The following CCND2 variants were observed in gnomAD, a reference collection of about 807,000 sequenced individuals.
CCND2 encodes the protein cyclin D2, also known as G1/S-specific cyclin-D2.
A neutral mutation model predicts 30.2 loss-of-function variants in CCND2; 6 were observed. The observed-to-expected ratio is 0.20, with a 90% CI of 0.11 to 0.39. CCND2 has a LOEUF of 0.39. Ranked by LOEUF, CCND2 falls within the 10% of genes least tolerant of loss-of-function variation. CCND2 has a pLI of 1.00. For missense variants in CCND2, 235 were observed against 373.4 expected (o/e 0.63, Z 3.06); for synonymous variants, 150 against 153.1 (o/e 0.98, Z 0.15).
intron 4 of CCND2, among the ~76,000 whole-genome samples, chr12:4,298,223 C>T (rs1017458085): frequency 2.0e-5 from 3 of 152,094 alleles, no homozygotes; most frequent in Non-Finnish European, 4.4e-5. Context: ...CAGATACCAC[C>T]CTTCCTCATT....
At position 4,297,570 on chromosome 12, in the gene CCND2, CAA is replaced by C. The variant is rs71061177; in HGVS notation, c.721-2264_721-2263del. On this transcript the variant is annotated intron_variant, in intron 4 of 4. Transcript: ENST00000261254. ...TGGGCGACAGAGCAACACTCTGTCT[CAA>C]AAAAAAAAAAAAAAAAAAAAAAAAA... Among the ~76,000 whole-genome samples the C allele has an allele frequency of 7.6e-3, 568 of 74,712 alleles. 4 individuals are homozygous for C. Among genetic ancestry groups the C allele is most frequent in the African/African-American group, 0.016 (262 of 16,212 alleles). The allele number at this position is 74,712 out of a possible 152,430, so 49.0% of individuals were successfully genotyped here.
In CCND2 at chr12:4,282,338, C is replaced by T. The variant is rs1467824021; in HGVS notation, c.571+3419C>T. Among the ~76,000 whole-genome samples, 2 of 152,280 alleles carry T rather than the reference C, an allele frequency of 1.3e-5. No individual in the cohort carries two copies. The highest frequency in any genetic ancestry group is 3.9e-4 in the East Asian group (2 of 5,172). On this transcript the variant is annotated intron_variant, in intron 3 of 4. Coordinates refer to ENST00000261254, the MANE Select transcript of CCND2 (RefSeq NM_001759.4). The surrounding 1 kb of genome is among the most constrained non-coding windows in gnomAD (Gnocchi z 4.3). ...GTATTTGTGCCACACACGGTAGCCA[C>T]CCCCAGGCCTCCCCACGCCAAGGCC...
In CCND2 at chr12:4,285,811, A is replaced by G. The variant is rs1010233107; in HGVS notation, c.572-3031A>G. On this transcript the variant is annotated intron_variant, in intron 3 of 4. Coordinates refer to ENST00000261254, the MANE Select transcript of CCND2 (RefSeq NM_001759.4). This position sits in a 1 kb window ranked among gnomAD's most constrained non-coding sequence, Gnocchi z 4.1. ...GATTTTTTTGTTTTTCTCTCTGTTC[A>G]GTATCCCCTACCAGTAGAGAGGGGG... is the stretch of plus-strand genomic sequence containing the variant. 1.3e-5 allele frequency among the ~76,000 whole-genome samples: 2 copies of G among 152,208 alleles called. No individual in the cohort carries two copies. The highest frequency in any genetic ancestry group is 2.4e-5 in the African/African-American group (1 of 41,458).
Position 4,300,275 on chromosome 12 carries a change from T to C in CCND2, c.*266T>C. ...TTATTGTTTGATTATGTAAAAGTAA[T>C]AGTAAAATGCTTACAGGAAAACCTG... On this transcript the variant is annotated 3_prime_UTR_variant, in exon 5 of 5. Transcript: ENST00000261254. 1 of 372,548 alleles carries C rather than the reference T, an allele frequency of 2.7e-6. No individual in the cohort carries two copies. The highest frequency in any genetic ancestry group is 2.0e-5 in the African/African-American group (1 of 49,766). The allele number at this position is 372,548 out of a possible 1,614,324, so 23.1% of individuals were successfully genotyped here. A position where few individuals can be genotyped will look rare whatever the true frequency, so the allele number is the denominator to read the frequency against.
chr12:4,288,237 C>CTT (rs56794387), intron 3 of CCND2, among the ~76,000 whole-genome samples: 1 of 136,154 alleles, frequency 7.3e-6, no homozygotes, highest in Non-Finnish European at 1.6e-5. Flanking sequence ...TAGATCAAAC[C>CTT]TTTTTTTTTT....
At position 4,296,705 on chromosome 12, in the gene CCND2, GAAA is replaced by G. The variant is rs58907719; in HGVS notation, c.721-3142_721-3140del. On this transcript the variant is annotated intron_variant, in intron 4 of 4. Transcript: ENST00000261254. ...CGATTTAGTCCCTCTGCCTCTTGGG[GAAA>G]AAAAAAAAAAAATTGTAAACATCCC... Among the ~76,000 whole-genome samples, 984 of 125,526 alleles carry G rather than the reference GAAA, an allele frequency of 7.8e-3. 7 individuals are homozygous for G. Among genetic ancestry groups the G allele is most frequent in the African/African-American group, 0.027 (926 of 34,698 alleles). The allele number at this position is 125,526 out of a possible 152,430, so 82.3% of individuals were successfully genotyped here.
In CCND2 at chr12:4,275,986, T is replaced by G. The variant is rs765683372; in HGVS notation, c.196-19T>G. On this transcript the variant is annotated intron_variant, in intron 1 of 4. Coordinates refer to ENST00000261254, the MANE Select transcript of CCND2 (RefSeq NM_001759.4). ...GCTCTCCACCCCCGCCCCCCAACCC[T>G]TTCCCACTCCCATTATAGGTCTGTG... 6.6e-5 allele frequency: 43 copies of G among 649,312 alleles called. No homozygotes were observed. The highest frequency in any genetic ancestry group is 9.8e-5 in the East Asian group (2 of 20,430). 40.2% of individuals were successfully genotyped at this position (649,312 alleles called of 1,614,324 possible).
At position 4,291,558 on chromosome 12, in the gene CCND2, G is replaced by C. The variant is rs142198009; in HGVS notation, c.720+2568G>C. Among the ~76,000 whole-genome samples the C allele has an allele frequency of 2.9e-3, 438 of 152,150 alleles. 1 individual carries two copies. Among genetic ancestry groups the C allele is most frequent in the African/African-American group, 1.0e-2 (415 of 41,502 alleles). On this transcript the variant is annotated intron_variant, in intron 4 of 4. Transcript: ENST00000261254. The stretch of plus-strand genomic sequence containing the variant: ...TTGTATGATGAAGCAAGAGTAAAGC[G>C]TGCAAAACCCTAGCAAATTAAGAAC...
intron 4 of CCND2, among the ~76,000 whole-genome samples, chr12:4,290,255 G>T (rs1218062892): frequency 6.6e-6 from 1 of 152,192 alleles, no homozygotes. Context: ...GCAGGGAGAT[G>T]CTGACGGAGC....
chr12:4,287,300 TG>T lies in CCND2; in HGVS notation c.572-1538del, dbSNP rs963315402. The stretch of plus-strand genomic sequence containing the variant: ...TCTAACAATGCTGCTAACTTGATGC[TG>T]GGGCAATGGGCTGACCATTAAAAGA... On this transcript the variant is annotated intron_variant, in intron 3 of 4. Transcript: ENST00000261254. This position sits in a 1 kb window ranked among gnomAD's most constrained non-coding sequence, Gnocchi z 4.0. Among the ~76,000 whole-genome samples the T allele has an allele frequency of 1.3e-4, 20 of 152,168 alleles. No individual in the cohort carries two copies. The highest frequency in any genetic ancestry group is 4.6e-4 in the African/African-American group (19 of 41,430).
At chr12:4,290,755 C>T (rs1004484365) in intron 4 of CCND2, among the ~76,000 whole-genome samples, 1 of 152,212 alleles carries the variant, frequency 6.6e-6, no homozygotes, top group Admixed American at 6.5e-5. Flanking sequence ...GCTGCTGAGT[C>T]TCTTGGCTTT....
At chr12:4,278,942 G>A in intron 3 of CCND2, 23 bp downstream of exon 3, 5 of 1,593,988 alleles carry the variant, frequency 3.1e-6, no homozygotes, top group Admixed American at 1.7e-5. Flanking sequence ...TTGAGCCGGG[G>A]AGGGAGATGG....
At chr12:4,277,866 C>CA (rs1435169241) in intron 2 of CCND2, among the ~76,000 whole-genome samples, 1 of 152,248 alleles carries the variant, frequency 6.6e-6, no homozygotes, top group Non-Finnish European at 1.5e-5. Flanking sequence ...TCTGGTAGCA[C>CA]ATACGATATT....
intron 4 of CCND2, among the ~76,000 whole-genome samples, chr12:4,296,509 T>C (rs3217904): frequency 0.97 from 147,586 of 152,386 alleles, 71,633 homozygotes; most frequent in East Asian, 1. Context: ...CCACGCCTCG[T>C]GTGCACACGC....
rs750056018 is a variant in CCND2, at chr12:4,302,807, G to C, written c.*2798G>C. The C allele has an allele frequency of 4.7e-5, 11 of 233,230 alleles. No homozygotes were observed. Among genetic ancestry groups the C allele is most frequent in the Non-Finnish European group, 5.9e-5 (7 of 118,080 alleles). 14.4% of individuals were successfully genotyped at this position (233,230 alleles called of 1,614,324 possible). On this transcript the variant is annotated 3_prime_UTR_variant, in exon 5 of 5. Coordinates refer to ENST00000261254, the MANE Select transcript of CCND2 (RefSeq NM_001759.4). ...GGGAAGTGTGTTTAGAAGGGTTCAG[G>C]ACTTTGTGAGTTAGCATGACCCTAA...
rs1483407613 is a variant in CCND2, at chr12:4,303,162, A to C, written c.*3153A>C. 4.3e-6 allele frequency: 1 copy of C among 232,908 alleles called. No individual in the cohort carries two copies. The highest frequency in any genetic ancestry group is 8.5e-6 in the Non-Finnish European group (1 of 118,052). 14.4% of individuals were successfully genotyped at this position (232,908 alleles called of 1,614,324 possible). The stretch of plus-strand genomic sequence containing the variant: ...CTCTATTTACAGTCTGTAACTTTCC[A>C]CTCTTCCTGTAGTCCCGAGGCCCCT... On this transcript the variant is annotated 3_prime_UTR_variant, in exon 5 of 5. Transcript: ENST00000261254. The surrounding 1 kb of genome is among the most constrained non-coding windows in gnomAD (Gnocchi z 4.6).
At position 4,299,990 on chromosome 12, in the gene CCND2, T is replaced by G. The variant is rs777786993; in HGVS notation, c.851T>G (p.Val284Gly). Residue 284 changes from valine (V) to glycine (G), a missense_variant, in exon 5 of 5, where the codon GTG becomes GGG. Around this residue, in one of 2 missense-constraint regions of CCND2, gnomAD observed 57 missense variants for 50.7 expected, o/e 1.12. Transcript: ENST00000261254. The surrounding 1 kb of genome is among the most constrained non-coding windows in gnomAD (Gnocchi z 5.2). ...GACCAAGCCAGCACCCCTACAGACG[T>G]GCGGGATATCGACCTGTGAGGATGC... is the stretch of plus-strand genomic sequence containing the variant. Reference protein sequence around the residue: ...ELDQASTPTDVRDIDL With the variant: ...ELDQASTPTDGRDIDL The G allele has an allele frequency of 6.2e-7, 1 of 1,613,736 alleles. No individual in the cohort carries two copies. The highest frequency in any genetic ancestry group is 8.5e-7 in the Non-Finnish European group (1 of 1,179,894).
rs2120560660 is a variant in CCND2, at chr12:4,288,893, G to A, written c.623G>A (p.Gly208Glu). 2 of 1,613,828 alleles carry A rather than the reference G, an allele frequency of 1.2e-6. No individual in the cohort carries two copies. The highest frequency in any genetic ancestry group is 1.7e-6 in the Non-Finnish European group (2 of 1,179,920). ...TCGATGATCGCAACTGGAAGTGTGG[G>A]AGCAGCCATCTGTGGGCTCCAGCAG... is the stretch of plus-strand genomic sequence containing the variant. Reference protein sequence around the residue: ...PPSMIATGSVGAAICGLQQDE... With the variant: ...PPSMIATGSVEAAICGLQQDE... The change falls in exon 4 of 5, where the codon GGA becomes GAA. Residue 208 changes from glycine to glutamate, a missense_variant. By Grantham distance (98) the Gly-to-Glu change is moderately conservative. Coordinates refer to ENST00000261254, the MANE Select transcript of CCND2 (RefSeq NM_001759.4).
At chr12:4,279,034 T>C in intron 3 of CCND2, 115 bp downstream of exon 3, 1 of 1,007,028 alleles carries the variant, frequency 9.9e-7, no homozygotes, top group East Asian at 2.6e-5. Context: ...GGAGGAGGGG[T>C]GGTCTTGAGT....
Sources: gnomAD v4.1 joint callset for allele counts (sites outside exome capture counted in the v4.1 genomes callset) on GRCh38, gnomAD v4.1.1 for gene constraint, gnomAD v4.1.1 regional missense constraint, Gnocchi (gnomAD v3.1) non-coding constraint, MANE v1.5 for transcripts, NCBI Gene and HGNC (gene_info 2026-07-23, HGNC 2026-07-21) for gene names.